The following MFN1 variants were observed in gnomAD, a reference collection of about 807,000 sequenced individuals.
MFN1 encodes mitofusin-1.
In MFN1, 65 loss-of-function variants were observed where a neutral mutation model predicts 92.4. The ratio of observed to expected loss-of-function variants is 0.70; its 90% CI spans 0.58 to 0.86. The LOEUF is 0.86. MFN1 is among the 40% of genes least tolerant of loss of function. The probability of loss-of-function intolerance (pLI) is 0.00; values close to 1 mark genes in which losing one functional copy is unlikely to be tolerated. For missense variants in MFN1, 781 were observed against 868.0 expected, an observed-to-expected ratio of 0.90 and a Z score of 1.26; for synonymous variants, 297 against 300.9, an observed-to-expected ratio of 0.99 and a Z score of 0.13.
chr3:179,391,706 A>C (rs368642317), intron 17 of MFN1, among the ~76,000 whole-genome samples: 3 of 152,204 alleles, frequency 2.0e-5, no homozygotes, highest in African/African-American at 7.2e-5. Context: ...TGTTTAAAGG[A>C]AATATTTTTG....
At position 179,389,915 on chromosome 3, in the gene MFN1, A is replaced by G. The variant is rs939186836; in HGVS notation, c.2013-89A>G. 3.9e-6 allele frequency: 5 copies of G among 1,277,090 alleles called. No individual in the cohort carries two copies. In the African/African-American group the frequency reaches 7.7e-5, roughly 20 times the overall value. 79.1% of individuals were successfully genotyped at this position (1,277,090 alleles called of 1,614,324 possible). ...CCCTATAGTTTAGAAGTTTTTTAAA[A>G]CTTGTGTTCTTCTTTTTATGTGAGC... is the stretch of plus-strand genomic sequence containing the variant. On this transcript the variant is annotated intron_variant, in intron 16 of 17. Transcript: ENST00000471841.
chr3:179,353,054 A>ATTTT (rs1209044534), intron 3 of MFN1, among the ~76,000 whole-genome samples: 2 of 124,344 alleles, frequency 1.6e-5, no homozygotes, highest in African/African-American at 5.9e-5. Flanking sequence ...ATCCAGCCTA[A>ATTTT]ATTTTTTTTT....
chr3:179,358,704 T>C, intron 3 of MFN1, 136 bp from the exon 4 acceptor site: 2 of 822,294 alleles, frequency 2.4e-6, no homozygotes, highest in South Asian at 4.6e-5. Flanking sequence ...GCCAAGTGGT[T>C]AATCTTTTCA....
chr3:179,394,450 C>G lies in MFN1; in HGVS notation c.*2391C>G, dbSNP rs1714023324. 8.2e-6 allele frequency: 1 copy of G among 121,416 alleles called. No individual in the cohort carries two copies. The highest frequency in any genetic ancestry group is 1.6e-5 in the Non-Finnish European group (1 of 62,198). 7.5% of individuals were successfully genotyped at this position (121,416 alleles called of 1,614,324 possible). A position where few individuals can be genotyped will look rare whatever the true frequency, so the allele number is the denominator to read the frequency against. On this transcript the variant is annotated 3_prime_UTR_variant, in exon 18 of 18. Coordinates refer to ENST00000471841, the MANE Select transcript of MFN1 (RefSeq NM_033540.3). The stretch of plus-strand genomic sequence containing the variant: ...TTTTTTTTTGAGACGGAGTCTCGCT[C>G]TGTCGCCCAGGCTGGAGTGCAGTGG...
intron 7 of MFN1, among the ~76,000 whole-genome samples, chr3:179,366,706 C>T (rs1712808364): frequency 6.6e-6 from 1 of 152,160 alleles, no homozygotes; most frequent in Non-Finnish European, 1.5e-5. Flanking sequence ...GGAAGCATCA[C>T]TCATAAATTA....
chr3:179,349,330 A>G (rs1305461675), intron 2 of MFN1, among the ~76,000 whole-genome samples: 1 of 152,198 alleles, frequency 6.6e-6, no homozygotes, highest in Non-Finnish European at 1.5e-5. Context: ...TGCCCAGACA[A>G]AAAATCAGGC....
chr3:179,358,441 C>T (rs1388193491), intron 3 of MFN1, among the ~76,000 whole-genome samples: 2 of 152,202 alleles, frequency 1.3e-5, no homozygotes, highest in Non-Finnish European at 2.9e-5. Flanking sequence ...GCGTGAGCCA[C>T]TGCGCCTGGC....
At chr3:179,372,728 CTG>C (rs1011182402) in intron 9 of MFN1, among the ~76,000 whole-genome samples, 1 of 152,154 alleles carries the variant, frequency 6.6e-6, no homozygotes, top group Admixed American at 6.5e-5. Context: ...AGCTCTAACA[CTG>C]TGCTGTTATC....
chr3:179,391,914 T>G, intron 17 of MFN1, 67 bp from the exon 18 acceptor site: 1 of 972,292 alleles, frequency 1.0e-6, no homozygotes, highest in Non-Finnish European at 1.6e-6. Context: ...CTTTTAATAA[T>G]GGATGGAATG....
chr3:179,352,298 TATAG>T (rs1474295994), intron 3 of MFN1, among the ~76,000 whole-genome samples: 1 of 152,216 alleles, frequency 6.6e-6, no homozygotes, highest in Non-Finnish European at 1.5e-5. Flanking sequence ...AGAATGGAAA[TATAG>T]ATAAATGATA....
At chr3:179,349,847 G>T (rs1207407072) in intron 2 of MFN1, among the ~76,000 whole-genome samples, 1 of 150,610 alleles carries the variant, frequency 6.6e-6, no homozygotes, top group Non-Finnish European at 1.5e-5. Context: ...ATTTTTTCTG[G>T]TTCTTAAGAT....
intron 14 of MFN1, among the ~76,000 whole-genome samples, chr3:179,381,916 A>G (rs530440418): frequency 6.6e-6 from 1 of 152,296 alleles, no homozygotes; most frequent in East Asian, 1.9e-4. Flanking sequence ...GATAAGGGAC[A>G]CTCAACCTGT....
intron 2 of MFN1, among the ~76,000 whole-genome samples, chr3:179,350,697 C>T (rs1043790628): frequency 6.6e-6 from 1 of 152,092 alleles, no homozygotes; most frequent in African/African-American, 2.4e-5. Context: ...ATACTTAAAC[C>T]AGTCTGTCCG....
At chr3:179,371,996 G>T (rs1713037902) in intron 9 of MFN1, among the ~76,000 whole-genome samples, 1 of 147,850 alleles carries the variant, frequency 6.8e-6, no homozygotes, top group African/African-American at 2.5e-5. Context: ...TATATATATG[G>T]GGGTCATACA....
In MFN1 at chr3:179,366,622, A is replaced by G. The variant is rs911549063; in HGVS notation, c.754-817A>G. ...TTCCCCAATTGGAATTTTGCATAAC[A>G]TCATGTTTTATATCCTCCTGTCATT... On this transcript the variant is annotated intron_variant, in intron 7 of 17. Coordinates refer to ENST00000471841, the MANE Select transcript of MFN1 (RefSeq NM_033540.3). Among the ~76,000 whole-genome samples, 24 of 152,296 alleles carry G rather than the reference A, an allele frequency of 1.6e-4. 1 individual carries two copies. Among genetic ancestry groups the G allele is most frequent in the South Asian group, 6.2e-4 (3 of 4,822 alleles).
chr3:179,384,871 G>C (rs1713611093), intron 14 of MFN1, among the ~76,000 whole-genome samples: 1 of 144,508 alleles, frequency 6.9e-6, no homozygotes, highest in African/African-American at 2.5e-5. Context: ...TGTGTGTTTT[G>C]AAGTTTAAGA....
chr3:179,390,552 T>G (rs1577018752), intron 17 of MFN1, among the ~76,000 whole-genome samples: 1 of 152,208 alleles, frequency 6.6e-6, no homozygotes, highest in Non-Finnish European at 1.5e-5. Context: ...ATCATAAAAG[T>G]AAGATGTCCT....
chr3:179,394,389 G>A lies in MFN1; in HGVS notation c.*2330G>A, dbSNP rs966383135. ...CATAATGAATGTTGGAAATGGAACAGTAAAATAACGAAAGCCAACTTTTTT... is the reference window on the plus strand; with the variant it reads ...CATAATGAATGTTGGAAATGGAACAATAAAATAACGAAAGCCAACTTTTTT... On this transcript the variant is annotated 3_prime_UTR_variant, in exon 18 of 18. Coordinates refer to ENST00000471841, the MANE Select transcript of MFN1 (RefSeq NM_033540.3). 1 of 145,168 alleles carries A rather than the reference G, an allele frequency of 6.9e-6. No homozygotes were observed. The highest frequency in any genetic ancestry group is 2.5e-5 in the African/African-American group (1 of 39,366). 9.0% of individuals were successfully genotyped at this position (145,168 alleles called of 1,614,324 possible). A position where few individuals can be genotyped will look rare whatever the true frequency, so the allele number is the denominator to read the frequency against.
rs780572842 is a variant in MFN1 at position 179,386,659 on chromosome 3, A to G, written c.2012+30A>G. 2.6e-6 allele frequency: 4 copies of G among 1,566,408 alleles called. No homozygotes were observed. In the Admixed American group the frequency reaches 8.1e-5, roughly 32 times the overall value. On this transcript the variant is annotated intron_variant, in intron 16 of 17. Coordinates refer to ENST00000471841, the MANE Select transcript of MFN1 (RefSeq NM_033540.3). The stretch of plus-strand genomic sequence containing the variant: ...GTTGGAAGGTGCATCTTTCCTTTAA[A>G]AAAAAGTTACTGAAATATGACATAC...
Sources: gnomAD v4.1 joint callset for allele counts (sites outside exome capture counted in the v4.1 genomes callset) on GRCh38, gnomAD v4.1.1 for gene constraint, MANE v1.5 for transcripts, NCBI Gene and HGNC (gene_info 2026-07-23, HGNC 2026-07-21) for gene names.